CNTNAP2: variants seen among roughly 807,000 people sequenced by gnomAD.
CNTNAP2 encodes contactin-associated protein-like 2.
A neutral mutation model predicts 155.2 loss-of-function variants in CNTNAP2; 98 were observed. The ratio of observed to expected loss-of-function variants is 0.63; its 90% CI spans 0.54 to 0.75. CNTNAP2 has a LOEUF of 0.75. Ranked by LOEUF, CNTNAP2 falls within the 30% of genes least tolerant of loss-of-function variation. CNTNAP2 has a pLI of 0.00. For synonymous variants in CNTNAP2, 651 were observed against 631.2 expected, an observed-to-expected ratio of 1.03 and a Z score of -0.47; for missense variants, 1,727 against 1,688.1, an observed-to-expected ratio of 1.02 and a Z score of -0.40.
intron 1 of CNTNAP2, among the ~76,000 whole-genome samples, chr7:146,428,386 T>C (rs936305076): frequency 1.3e-5 from 2 of 152,154 alleles, no homozygotes; most frequent in Non-Finnish European, 2.9e-5. Flanking sequence ...TTCCTTTTTT[T>C]ATCCAAAACC....
At chr7:147,037,093 T>A (rs1487385976) in intron 3 of CNTNAP2, among the ~76,000 whole-genome samples, 3 of 152,116 alleles carry the variant, frequency 2.0e-5, no homozygotes, top group African/African-American at 7.2e-5. Flanking sequence ...CAAAAGAAGC[T>A]TGATTTAGGT....
intron 15 of CNTNAP2, among the ~76,000 whole-genome samples, chr7:148,022,914 C>G (rs1230898726): frequency 1.3e-5 from 2 of 152,006 alleles, no homozygotes; most frequent in African/African-American, 4.8e-5. Context: ...ATAAAACAGA[C>G]GCCCCTGAAG....
At chr7:146,684,547 A>G (rs1321294752) in intron 1 of CNTNAP2, among the ~76,000 whole-genome samples, 1 of 146,678 alleles carries the variant, frequency 6.8e-6, no homozygotes, top group African/African-American at 2.5e-5. Context: ...CTAAACTAGA[A>G]AATGGTGAGT....
chr7:147,163,320 C>T (rs981924549), intron 8 of CNTNAP2, among the ~76,000 whole-genome samples: 5 of 152,112 alleles, frequency 3.3e-5, no homozygotes, highest in Admixed American at 6.5e-5. Context: ...GGAAACCAGT[C>T]TATTAAACAG....
intron 1 of CNTNAP2, among the ~76,000 whole-genome samples, chr7:146,741,163 G>T (rs986863608): frequency 6.6e-6 from 1 of 152,078 alleles, no homozygotes; most frequent in South Asian, 2.1e-4. Context: ...GTAAAACTGT[G>T]ATTCCTACCC....
chr7:147,854,751 A>T (rs981424466), intron 13 of CNTNAP2, among the ~76,000 whole-genome samples: 3 of 152,208 alleles, frequency 2.0e-5, no homozygotes, highest in African/African-American at 7.2e-5. Flanking sequence ...TTCTCAATTC[A>T]CTATTGGAAG....
intron 1 of CNTNAP2, among the ~76,000 whole-genome samples, chr7:146,370,583 CTG>C (rs1795220870): frequency 1.3e-5 from 2 of 152,132 alleles, no homozygotes; most frequent in East Asian, 1.9e-4. Context: ...CAGCACCAAA[CTG>C]TGAATTAATA....
intron 8 of CNTNAP2, among the ~76,000 whole-genome samples, chr7:147,273,774 T>C (rs1454991803): frequency 2.8e-5 from 4 of 145,094 alleles, no homozygotes; most frequent in Non-Finnish European, 1.5e-5. Context: ...TATACATATA[T>C]ATTTATATCT....
intron 13 of CNTNAP2, among the ~76,000 whole-genome samples, chr7:147,866,749 T>TG (rs1333577821): frequency 3.4e-5 from 3 of 88,702 alleles, no homozygotes; most frequent in East Asian, 3.0e-4. Context: ...TTGCAACCCC[T>TG]GTTTTTTTTT....
At chr7:147,178,872 C>A (rs1397842969) in intron 8 of CNTNAP2, among the ~76,000 whole-genome samples, 1 of 152,112 alleles carries the variant, frequency 6.6e-6, no homozygotes, top group Non-Finnish European at 1.5e-5. Context: ...TTTTTAGTCA[C>A]TGTTTGTTAG....
At chr7:146,314,209 T>C (rs1476935940) in intron 1 of CNTNAP2, among the ~76,000 whole-genome samples, 2 of 152,202 alleles carry the variant, frequency 1.3e-5, no homozygotes, top group African/African-American at 4.8e-5. Context: ...TTCTAACCTG[T>C]TCCATTCGTC....
At chr7:146,707,263 C>G (rs1436616104) in intron 1 of CNTNAP2, among the ~76,000 whole-genome samples, 2 of 152,056 alleles carry the variant, frequency 1.3e-5, no homozygotes, top group East Asian at 3.9e-4. Context: ...GCACAGACTC[C>G]CACTTCTATT....
intron 1 of CNTNAP2, among the ~76,000 whole-genome samples, chr7:146,641,087 G>A (rs987782016): frequency 6.6e-5 from 10 of 152,196 alleles, no homozygotes; most frequent in African/African-American, 9.6e-5. Context: ...AGCACTTTGG[G>A]AGGCTGAGGT....
chr7:147,674,485 A>C (rs1795837335), intron 13 of CNTNAP2, among the ~76,000 whole-genome samples: 1 of 152,196 alleles, frequency 6.6e-6, no homozygotes, highest in Non-Finnish European at 1.5e-5. Flanking sequence ...CCTTATAAAG[A>C]AAGCTCTCAT....
chr7:146,658,790 A>G (rs1390501598), intron 1 of CNTNAP2, among the ~76,000 whole-genome samples: 1 of 152,252 alleles, frequency 6.6e-6, no homozygotes, highest in Non-Finnish European at 1.5e-5. Context: ...TGTGAAAAGA[A>G]TAACAGTAGT....
chr7:146,512,733 C>T (rs1233766542), intron 1 of CNTNAP2, among the ~76,000 whole-genome samples: 1 of 151,824 alleles, frequency 6.6e-6, no homozygotes, highest in Non-Finnish European at 1.5e-5. Flanking sequence ...CAAAGTATTC[C>T]ATGTACTGAT....
At position 147,500,949 on chromosome 7, in the gene CNTNAP2, G is replaced by C. The variant is rs1798799441; in HGVS notation, c.1777+14908G>C. Reference sequence around the variant, plus strand: ...AGACTACAATTAAAATTACAAGTCAGTATCCCTGATGAGCATACATGCAAA... The same window carrying C: ...AGACTACAATTAAAATTACAAGTCACTATCCCTGATGAGCATACATGCAAA... On this transcript the variant is annotated intron_variant, in intron 11 of 23. Coordinates refer to ENST00000361727, the MANE Select transcript of CNTNAP2 (RefSeq NM_014141.6). Among the ~76,000 whole-genome samples the C allele has an allele frequency of 2.0e-5, 3 of 152,002 alleles. No homozygotes were observed. In the South Asian group the frequency reaches 6.2e-4, roughly 32 times the overall value.
chr7:147,443,745 G>C (rs1326416351), intron 10 of CNTNAP2, among the ~76,000 whole-genome samples: 4 of 152,160 alleles, frequency 2.6e-5, no homozygotes, highest in African/African-American at 2.4e-5. Context: ...GTAGAGATAT[G>C]TTTGTGACTT....
At chr7:147,263,702 T>C (rs1469718278) in intron 8 of CNTNAP2, among the ~76,000 whole-genome samples, 1 of 152,208 alleles carries the variant, frequency 6.6e-6, no homozygotes, top group Non-Finnish European at 1.5e-5. Flanking sequence ...TGAAGCAGAC[T>C]GAGGGGTCAC....
Sources: allele counts gnomAD v4.1 joint callset (sites outside exome capture counted in the v4.1 genomes callset), GRCh38; gene constraint gnomAD v4.1.1; transcripts MANE v1.5; gene names NCBI Gene and HGNC (gene_info 2026-07-23, HGNC 2026-07-21).